DAPK1: variants seen among roughly 807,000 people sequenced by gnomAD.
DAPK1 encodes death-associated protein kinase 1.
DAPK1 carries 56 observed loss-of-function variants against 144.9 expected under a neutral mutation model. That is an observed-to-expected ratio of 0.39 (90% CI 0.31 to 0.48). The LOEUF (loss-of-function observed/expected upper bound fraction) is 0.48, where lower values mean the gene tolerates loss of function less well. DAPK1 is among the 20% of genes least tolerant of loss of function. The pLI is 0.95. For missense variants in DAPK1, 1,454 were observed against 1,875.4 expected, an observed-to-expected ratio of 0.78 and a Z score of 4.15; for synonymous variants, 690 against 749.0, an observed-to-expected ratio of 0.92 and a Z score of 1.29.
intron 21 of DAPK1, 93 bp from the exon 22 acceptor site, chr9:87,696,914 G>A: frequency 1.3e-6 from 1 of 773,358 alleles, no homozygotes; most frequent in Non-Finnish European, 2.4e-6. Flanking sequence ...GTATCACTAT[G>A]CCTACTTCGA....
chr9:87,618,686 T>A lies in DAPK1; in HGVS notation c.284+13511T>A, dbSNP rs79579851. On this transcript the variant is annotated intron_variant, in intron 3 of 25. Coordinates refer to ENST00000408954, the MANE Select transcript of DAPK1 (RefSeq NM_004938.4). ...CACCCACCCTATGATTTTATTGACA[T>A]GAACTGTCCAGAGTAGGCACATCTG... Among the ~76,000 whole-genome samples the A allele has an allele frequency of 6.3e-3, 953 of 152,270 alleles. 9 individuals are homozygous for A. The highest frequency in any genetic ancestry group is 0.022 in the African/African-American group (905 of 41,558).
At chr9:87,582,578 G>A (rs1344291079) in intron 2 of DAPK1, among the ~76,000 whole-genome samples, 1 of 138,188 alleles carries the variant, frequency 7.2e-6, no homozygotes, top group African/African-American at 2.8e-5. Context: ...TTTTTGAGAT[G>A]GAATCTTGCT....
intron 3 of DAPK1, among the ~76,000 whole-genome samples, chr9:87,611,964 A>C (rs1053415264): frequency 3.3e-5 from 5 of 152,214 alleles, no homozygotes; most frequent in Admixed American, 1.3e-4. Context: ...TTATAGAGAA[A>C]ATAAGTTTAT....
intron 3 of DAPK1, among the ~76,000 whole-genome samples, chr9:87,633,878 T>C (rs562710662): frequency 1.1e-3 from 173 of 151,630 alleles, no homozygotes; most frequent in African/African-American, 3.9e-3. Context: ...TGGAGAAGAG[T>C]GTGCATGGTG....
At chr9:87,613,840 G>T (rs2042006) in intron 3 of DAPK1, among the ~76,000 whole-genome samples, 1 of 152,216 alleles carries the variant, frequency 6.6e-6, no homozygotes, top group East Asian at 1.9e-4. Context: ...TCCTCAATGC[G>T]TTCTTTTGCT....
At chr9:87,523,127 A>G (rs955068412) in intron 2 of DAPK1, among the ~76,000 whole-genome samples, 2 of 152,130 alleles carry the variant, frequency 1.3e-5, no homozygotes, top group Non-Finnish European at 2.9e-5. Flanking sequence ...TTTTAAGTGC[A>G]CATTCAGTGG....
chr9:87,667,986 A>C (rs1180238575), intron 18 of DAPK1: 1 of 152,502 alleles, frequency 6.6e-6, no homozygotes, highest in Non-Finnish European at 1.5e-5. Context: ...ATACAGAAAC[A>C]AATTTATTCA....
intron 19 of DAPK1, among the ~76,000 whole-genome samples, chr9:87,678,616 G>A (rs927816033): frequency 3.9e-5 from 6 of 152,196 alleles, no homozygotes; most frequent in Non-Finnish European, 8.8e-5. Context: ...ATTAAATACT[G>A]CCCCCAAAAC....
At position 87,605,140 on chromosome 9, in the gene DAPK1, T is replaced by C. The variant is rs1828667909; in HGVS notation, c.249T>C (p.Tyr83=). ...HPNVITLHEV[Y]ENKTDVILIL... ...ATGTCATCACCCTGCACGAGGTCTA[T>C]GAGAACAAGACGGACGTCATCCTGA... Residue 83 remains tyrosine, a synonymous_variant, in exon 3 of 26, where the codon TAT becomes TAC. Transcript: ENST00000408954. 6.2e-7 allele frequency: 1 copy of C among 1,614,060 alleles called. No individual in the cohort carries two copies. Among genetic ancestry groups the C allele is most frequent in the African/African-American group, 1.3e-5 (1 of 74,924 alleles).
intron 19 of DAPK1, among the ~76,000 whole-genome samples, chr9:87,680,312 G>A (rs1824562875): frequency 6.6e-6 from 1 of 152,028 alleles, no homozygotes; most frequent in Non-Finnish European, 1.5e-5. Flanking sequence ...CACCATGTTA[G>A]CCAGGATGGT....
intron 21 of DAPK1, among the ~76,000 whole-genome samples, chr9:87,695,116 C>T (rs1235225113): frequency 6.6e-6 from 1 of 152,198 alleles, no homozygotes; most frequent in Non-Finnish European, 1.5e-5. Flanking sequence ...TGTCTTGGGA[C>T]CCCAGGCCCT....
At chr9:87,539,429 A>ATTT (rs1563982111) in intron 2 of DAPK1, among the ~76,000 whole-genome samples, 2 of 68,426 alleles carry the variant, frequency 2.9e-5, no homozygotes, top group Admixed American at 1.4e-4. Flanking sequence ...TAAATTTCTC[A>ATTT]CTTTTTTTTT....
At chr9:87,637,242 C>T (rs1402263756) in intron 3 of DAPK1, among the ~76,000 whole-genome samples, 2 of 152,004 alleles carry the variant, frequency 1.3e-5, no homozygotes, top group Non-Finnish European at 2.9e-5. Flanking sequence ...TACAGGCACA[C>T]GTCACCATGC....
chr9:87,542,062 A>G lies in DAPK1; in HGVS notation c.62+42923A>G, dbSNP rs570856987. On this transcript the variant is annotated intron_variant, in intron 2 of 25. Transcript: ENST00000408954. ...TAAACCCTCGGTTCTGATGAGAAAA[A>G]GTCAGGGACTTATTTAGATAAAAAT... Among the ~76,000 whole-genome samples the G allele has an allele frequency of 3.9e-5, 6 of 152,348 alleles. No homozygotes were observed. In the East Asian group the frequency reaches 9.6e-4, roughly 24 times the overall value.
rs746399838 is a variant in DAPK1 at position 87,686,566 on chromosome 9, A to G, written c.2240A>G (p.Asn747Ser). The change falls in exon 21 of 26, where the codon AAC (asparagine) becomes AGC (serine). Residue 747 changes from asparagine (N) to serine (S), a missense_variant. Around this residue, in one of 2 missense-constraint regions of DAPK1, gnomAD observed 1,025 missense variants for 1,237.9 expected, o/e 0.83. Coordinates refer to ENST00000408954, the MANE Select transcript of DAPK1 (RefSeq NM_004938.4). This position sits in a 1 kb window ranked among gnomAD's most constrained non-coding sequence, Gnocchi z 4.2. ...CATCCTGCAGTCTCAGTGAGCATCAACAACCTGTACCCAGGCTGCGAGAAC... is the reference window on the plus strand; with the variant it reads ...CATCCTGCAGTCTCAGTGAGCATCAGCAACCTGTACCCAGGCTGCGAGAAC... ...ASKPTVSVSINNLYPGCENVS... is the reference protein window; with the variant it reads ...ASKPTVSVSISNLYPGCENVS... The G allele has an allele frequency of 5.1e-6, 8 of 1,567,480 alleles. No individual in the cohort carries two copies. Among genetic ancestry groups the G allele is most frequent in the Non-Finnish European group, 6.9e-6 (8 of 1,153,572 alleles).
chr9:87,570,466 T>G (rs1827290062), intron 2 of DAPK1, among the ~76,000 whole-genome samples: 1 of 152,244 alleles, frequency 6.6e-6, no homozygotes, highest in Admixed American at 6.5e-5. Flanking sequence ...TTGCTTTACC[T>G]TGAAGAATAT....
chr9:87,535,900 TG>T (rs1422703807), intron 2 of DAPK1, among the ~76,000 whole-genome samples: 1 of 152,210 alleles, frequency 6.6e-6, no homozygotes, highest in Non-Finnish European at 1.5e-5. Flanking sequence ...GGATTACATC[TG>T]GGTGCTTTTT....
At chr9:87,527,017 C>T (rs150174081) in intron 2 of DAPK1, among the ~76,000 whole-genome samples, 1 of 152,318 alleles carries the variant, frequency 6.6e-6, no homozygotes, top group East Asian at 1.9e-4. Context: ...AACCAGTTGC[C>T]CAGGGCCTTT....
intron 21 of DAPK1, among the ~76,000 whole-genome samples, chr9:87,689,997 G>A (rs140418751): frequency 6.6e-6 from 1 of 152,088 alleles, no homozygotes; most frequent in Admixed American, 6.6e-5. Context: ...CCACTGTTTT[G>A]TTTCCATACA....
Sources: allele counts gnomAD v4.1 joint callset (sites outside exome capture counted in the v4.1 genomes callset), GRCh38; gene constraint gnomAD v4.1.1; regional missense constraint gnomAD v4.1.1; non-coding constraint Gnocchi (gnomAD v3.1); transcripts MANE v1.5; gene names NCBI Gene and HGNC (gene_info 2026-07-23, HGNC 2026-07-21).